Variants in BTBD9 observed in about 807,000 individuals in gnomAD.
The protein encoded by BTBD9 is BTB domain containing 9.
A neutral mutation model predicts 64.3 loss-of-function variants in BTBD9; 49 were observed. The ratio of observed to expected loss-of-function variants is 0.76; its 90% CI spans 0.61 to 0.97. The LOEUF (loss-of-function observed/expected upper bound fraction) is 0.97, where lower values mean the gene tolerates loss of function less well. BTBD9 is among the 50% of genes least tolerant of loss of function. The probability of loss-of-function intolerance (pLI) is 0.00; values close to 1 mark genes in which losing one functional copy is unlikely to be tolerated. For synonymous variants in BTBD9, 260 were observed against 274.7 expected (o/e 0.95, Z 0.53); for missense variants, 598 against 762.1 (o/e 0.78, Z 2.53).
intron 9 of BTBD9, among the ~76,000 whole-genome samples, chr6:38,212,492 TTGACCTCTCA>T (rs1274934947): frequency 1.3e-5 from 2 of 152,188 alleles, no homozygotes; most frequent in African/African-American, 4.8e-5. Flanking sequence ...GTTCCTACTT[TTGACCTCTCA>T]GTACCTAGCT....
intron 6 of BTBD9, among the ~76,000 whole-genome samples, chr6:38,501,519 T>C (rs1442573193): frequency 6.6e-6 from 1 of 152,210 alleles, no homozygotes; most frequent in African/African-American, 2.4e-5. Context: ...GGCCCCTTTT[T>C]GCATCTAGTT....
intron 1 of BTBD9, among the ~76,000 whole-genome samples, chr6:38,637,873 C>T (rs73733987): frequency 0.11 from 17,048 of 152,224 alleles, 1,170 homozygotes; most frequent in Non-Finnish European, 0.15. Context: ...CTGATTAATA[C>T]AACCTCTATC....
chr6:38,511,477 G>T (rs2127410840), intron 6 of BTBD9, among the ~76,000 whole-genome samples: 1 of 151,850 alleles, frequency 6.6e-6, no homozygotes, highest in South Asian at 2.1e-4. Flanking sequence ...CGAGTAGCTG[G>T]GATGACAGGC....
chr6:38,587,958 G>A, intron 4 of BTBD9: 1 of 731,668 alleles, frequency 1.4e-6, no homozygotes, highest in South Asian at 1.4e-5. Flanking sequence ...ACATCTGACA[G>A]CATTGCCGCC....
intron 7 of BTBD9, among the ~76,000 whole-genome samples, chr6:38,338,903 T>C (rs1181249471): frequency 6.6e-6 from 1 of 152,196 alleles, no homozygotes; most frequent in East Asian, 1.9e-4. Context: ...CAGTTAAAAT[T>C]GCACTGAGAT....
At chr6:38,388,124 C>T (rs188967378) in intron 6 of BTBD9, among the ~76,000 whole-genome samples, 154 of 151,608 alleles carry the variant, frequency 1.0e-3, no homozygotes, top group Middle Eastern at 3.4e-3. Flanking sequence ...TTTTATGATG[C>T]TCTTGCTCAA....
rs561114899 is a variant in BTBD9 at position 38,170,645 on chromosome 6, C to T, written c.*4340G>A. 1 of 152,338 alleles carries T rather than the reference C, an allele frequency of 6.6e-6. No homozygotes were observed. The highest frequency in any genetic ancestry group is 6.5e-5 in the Admixed American group (1 of 15,306). 9.4% of individuals were successfully genotyped at this position (152,338 alleles called of 1,614,324 possible). ...GCATGCCATTTAAACCTTGCCCTTCCCTCTCTTCTGGAAACTCTGAGCAAA... is the reference window on the plus strand; with the variant it reads ...GCATGCCATTTAAACCTTGCCCTTCTCTCTCTTCTGGAAACTCTGAGCAAA... On this transcript the variant is annotated 3_prime_UTR_variant, in exon 11 of 11. Coordinates refer to ENST00000481247, the MANE Select transcript of BTBD9 (RefSeq NM_001099272.2).
rs192598155 is a variant in BTBD9 at position 38,547,564 on chromosome 6, G to C, written c.1154+30036C>G. ...CTTGTTTACTTGCTCCATCCACATT[G>C]TCCAACCTTTTGCTTTTCTCAGTTC... On this transcript the variant is annotated intron_variant, in intron 6 of 10. Transcript: ENST00000481247. Among the ~76,000 whole-genome samples the C allele has an allele frequency of 1.1e-4, 17 of 152,238 alleles. No individual in the cohort carries two copies. The East Asian group carries it at 2.1e-3, about 19-fold the overall frequency.
chr6:38,441,401 G>A (rs929207621), intron 6 of BTBD9, among the ~76,000 whole-genome samples: 3 of 152,046 alleles, frequency 2.0e-5, no homozygotes, highest in Non-Finnish European at 2.9e-5. Context: ...TTACAGAGAA[G>A]AAACTTATCA....
At chr6:38,217,598 G>T (rs1763051174) in intron 9 of BTBD9, among the ~76,000 whole-genome samples, 1 of 152,122 alleles carries the variant, frequency 6.6e-6, no homozygotes, top group African/African-American at 2.4e-5. Flanking sequence ...TAGGGTGGGA[G>T]AGGGGCTGTG....
chr6:38,316,284 G>A (rs1414072367), intron 7 of BTBD9, among the ~76,000 whole-genome samples: 1 of 152,144 alleles, frequency 6.6e-6, no homozygotes, highest in East Asian at 1.9e-4. Flanking sequence ...CCTTTGGAGA[G>A]TTTAGTCCAT....
At chr6:38,523,793 A>G (rs1773371112) in intron 6 of BTBD9, among the ~76,000 whole-genome samples, 1 of 152,200 alleles carries the variant, frequency 6.6e-6, no homozygotes, top group African/African-American at 2.4e-5. Flanking sequence ...AGGTACTGTT[A>G]TTATCTATAT....
chr6:38,546,546 T>A (rs1422278704), intron 6 of BTBD9, among the ~76,000 whole-genome samples: 1 of 152,252 alleles, frequency 6.6e-6, no homozygotes, highest in Non-Finnish European at 1.5e-5. Context: ...TTTGAGCAAG[T>A]ATATTAGCAC....
intron 9 of BTBD9, among the ~76,000 whole-genome samples, chr6:38,198,855 G>C (rs917982204): frequency 6.6e-6 from 1 of 152,078 alleles, no homozygotes; most frequent in African/African-American, 2.4e-5. Context: ...ACAAAACAAA[G>C]AGGAAGAATG....
intron 6 of BTBD9, among the ~76,000 whole-genome samples, chr6:38,490,938 C>G (rs1302835507): frequency 6.6e-6 from 1 of 152,168 alleles, no homozygotes; most frequent in Non-Finnish European, 1.5e-5. Flanking sequence ...CTGACTGTGA[C>G]TTCCTCTAAG....
rs139376621 is a variant in BTBD9, at chr6:38,267,768, G to T, written c.1455-11252C>A. On this transcript the variant is annotated intron_variant, in intron 8 of 10. Transcript: ENST00000481247. ...TCTCTGCCTAACATGGTGAAACCCC[G>T]TCTCTACTAAAAATACAAAAAATTA... Among the ~76,000 whole-genome samples the T allele has an allele frequency of 1.5e-3, 224 of 152,180 alleles. 1 individual carries two copies. Among genetic ancestry groups the T allele is most frequent in the African/African-American group, 4.9e-3 (203 of 41,538 alleles).
intron 6 of BTBD9, among the ~76,000 whole-genome samples, chr6:38,500,253 G>GC (rs1247247686): frequency 6.6e-6 from 1 of 151,280 alleles, no homozygotes; most frequent in Non-Finnish European, 1.5e-5. Context: ...GGAAAAGGCA[G>GC]CAGAGGGGTG....
chr6:38,239,945 C>T (rs1763937388), intron 9 of BTBD9, among the ~76,000 whole-genome samples: 1 of 152,176 alleles, frequency 6.6e-6, no homozygotes, highest in African/African-American at 2.4e-5. Flanking sequence ...CTGGCACTGG[C>T]ACAGGAGTGC....
At chr6:38,488,486 G>C (rs902013369) in intron 6 of BTBD9, among the ~76,000 whole-genome samples, 47 of 152,138 alleles carry the variant, frequency 3.1e-4, no homozygotes, top group African/African-American at 1.0e-3. Context: ...AAACACCCAG[G>C]GACGAGGCAG....
Sources: allele counts gnomAD v4.1 joint callset (sites outside exome capture counted in the v4.1 genomes callset), GRCh38; gene constraint gnomAD v4.1.1; transcripts MANE v1.5; gene names NCBI Gene and HGNC (gene_info 2026-07-23, HGNC 2026-07-21).